The following GLYATL2 variants were observed in gnomAD, a reference collection of about 807,000 sequenced individuals.
GLYATL2 encodes glycine-N-acyltransferase like 2, also known as glycine N-acyltransferase-like protein 2.
In GLYATL2, 25 loss-of-function variants were observed where a neutral mutation model predicts 21.4. That is an observed-to-expected ratio of 1.17 (90% CI 0.85 to 1.63). GLYATL2 has a LOEUF of 1.63. Ranked by LOEUF, GLYATL2 falls within the 40% of genes most tolerant of loss-of-function variation. GLYATL2 has a pLI of 0.00. For missense variants in GLYATL2, 361 were observed against 343.3 expected, an observed-to-expected ratio of 1.05 and a Z score of -0.41; for synonymous variants, 114 against 118.2, an observed-to-expected ratio of 0.96 and a Z score of 0.23.
At chr11:58,884,445 G>C (rs1854399865) in intron 1 of GLYATL2, among the ~76,000 whole-genome samples, 1 of 152,146 alleles carries the variant, frequency 6.6e-6, no homozygotes, top group African/African-American at 2.4e-5. Context: ...CAAATAATGA[G>C]TGAACTCCCA....
chr11:58,836,960 G>T, intron 5 of GLYATL2, 55 bp downstream of exon 5: 2 of 1,486,002 alleles, frequency 1.3e-6, no homozygotes, highest in South Asian at 1.2e-5. Context: ...TACAGCCTTT[G>T]TGGCAACTCA....
At chr11:58,905,623 G>T (rs528381173), upstream of GLYATL2, 40 of 456,278 alleles carry the variant, frequency 8.8e-5, no homozygotes, top group Middle Eastern at 1.3e-3. Flanking sequence ...ACGCCGATGA[G>T]CAGGAAGAAG....
intron 1 of GLYATL2, among the ~76,000 whole-genome samples, chr11:58,865,828 G>T (rs77148730): frequency 6.7e-6 from 1 of 149,068 alleles, no homozygotes; most frequent in East Asian, 2.2e-4. Flanking sequence ...ATTTGGGGTA[G>T]AAAAATGGTG....
At chr11:58,861,223 G>C (rs1339534923) in intron 1 of GLYATL2, among the ~76,000 whole-genome samples, 1 of 151,732 alleles carries the variant, frequency 6.6e-6, no homozygotes, top group African/African-American at 2.4e-5. Context: ...TAAGGTCCTG[G>C]GCTTCTCTTT....
intron 5 of GLYATL2, 67 bp from the exon 6 acceptor site, chr11:58,834,904 A>T: frequency 8.3e-7 from 1 of 1,209,740 alleles, no homozygotes; most frequent in Non-Finnish European, 1.2e-6. Flanking sequence ...TCAAAAAATA[A>T]ATATAACACC....
At chr11:58,846,603 G>C (rs988378505), upstream of GLYATL2, among the ~76,000 whole-genome samples, 16 of 152,198 alleles carry the variant, frequency 1.1e-4, no homozygotes, top group African/African-American at 3.6e-4. Context: ...ACCAAACTCA[G>C]CTGACACCTG....
intron 1 of GLYATL2, among the ~76,000 whole-genome samples, chr11:58,876,692 C>T (rs594379): frequency 0.89 from 134,992 of 152,204 alleles, 61,033 homozygotes; most frequent in Non-Finnish European, 0.98. Flanking sequence ...GGTGTCTGTC[C>T]GCCCCTACTG....
intron 1 of GLYATL2, among the ~76,000 whole-genome samples, chr11:58,876,613 G>A (rs1565102025): frequency 6.6e-6 from 1 of 152,184 alleles, no homozygotes; most frequent in Non-Finnish European, 1.5e-5. Context: ...GGATATTAGT[G>A]AACCACAAAT....
intron 1 of GLYATL2, among the ~76,000 whole-genome samples, chr11:58,876,172 A>G (rs1163379833): frequency 2.6e-5 from 4 of 152,120 alleles, no homozygotes; most frequent in Non-Finnish European, 5.9e-5. Flanking sequence ...TGCATTGGTT[A>G]TTCTAGTTAT....
rs1853607158 is a variant in GLYATL2 at position 58,844,463 on chromosome 11, A to G, written c.-70T>C. 6.6e-6 allele frequency: 1 copy of G among 152,226 alleles called. No homozygotes were observed. Among genetic ancestry groups the G allele is most frequent in the African/African-American group, 2.4e-5 (1 of 41,474 alleles). The allele number at this position is 152,226 out of a possible 1,614,324, so 9.4% of individuals were successfully genotyped here. ...AGTTTCTTTGTAGACCTGTAGGCAC[A>G]CTGCCTGCTGCAGTTTCTCAGTATG... On this transcript the variant is annotated 5_prime_UTR_variant, in exon 1 of 6. Coordinates refer to ENST00000287275, the MANE Select transcript of GLYATL2 (RefSeq NM_145016.4).
chr11:58,853,888 C>T (rs558013), intron 1 of GLYATL2, among the ~76,000 whole-genome samples: 134,977 of 152,132 alleles, frequency 0.89, 61,039 homozygotes, highest in Non-Finnish European at 0.98. Context: ...CACCATGCTG[C>T]ACAATAGATT....
intron 1 of GLYATL2, among the ~76,000 whole-genome samples, chr11:58,855,063 C>T (rs1388565395): frequency 1.3e-5 from 2 of 152,172 alleles, no homozygotes; most frequent in African/African-American, 4.8e-5. Context: ...TTGGAATCAC[C>T]TTCTTCCAAA....
chr11:58,869,435 A>T (rs1400982427), intron 1 of GLYATL2, among the ~76,000 whole-genome samples: 1 of 152,182 alleles, frequency 6.6e-6, no homozygotes. Context: ...TCAAACTGCC[A>T]TGGAAACTGC....
chr11:58,907,634 C>T (rs1854933402), upstream of GLYATL2: 2 of 252,572 alleles, frequency 7.9e-6, no homozygotes, highest in South Asian at 4.8e-5. Flanking sequence ...ACTGATGTTT[C>T]TAGTCATTGT....
upstream of GLYATL2, among the ~76,000 whole-genome samples, chr11:58,847,146 C>T (rs892193002): frequency 1.3e-5 from 2 of 151,948 alleles, no homozygotes; most frequent in African/African-American, 4.8e-5. Context: ...GCATTCATCA[C>T]CTGGTAGAAG....
At chr11:58,884,328 G>A (rs622512) in intron 1 of GLYATL2, among the ~76,000 whole-genome samples, 1 of 152,116 alleles carries the variant, frequency 6.6e-6, no homozygotes, top group South Asian at 2.1e-4. Context: ...ATTGTCTCAG[G>A]GAAAAATCTT....
At chr11:58,880,154 G>T (rs141148129) in intron 1 of GLYATL2, among the ~76,000 whole-genome samples, 1 of 152,106 alleles carries the variant, frequency 6.6e-6, no homozygotes, top group Non-Finnish European at 1.5e-5. Flanking sequence ...CACCGTGCCC[G>T]GCCAACAGTT....
intron 1 of GLYATL2, chr11:58,892,775 G>A: frequency 3.0e-6 from 1 of 337,762 alleles, no homozygotes; most frequent in East Asian, 5.6e-5. Flanking sequence ...GAAGCTCAAT[G>A]CCTGCAATAA....
intron 1 of GLYATL2, among the ~76,000 whole-genome samples, chr11:58,862,081 G>A (rs1013071349): frequency 6.6e-6 from 1 of 151,738 alleles, no homozygotes; most frequent in African/African-American, 2.4e-5. Flanking sequence ...AGATTTTGTT[G>A]GGAACAGTAT....
Sources: gnomAD v4.1 joint callset for allele counts (sites outside exome capture counted in the v4.1 genomes callset) on GRCh38, gnomAD v4.1.1 for gene constraint, MANE v1.5 for transcripts, NCBI Gene and HGNC (gene_info 2026-07-23, HGNC 2026-07-21) for gene names.